Variants in PAK3 observed in about 807,000 individuals in gnomAD.
PAK3 encodes the protein p21 (RAC1) activated kinase 3, also known as serine/threonine-protein kinase PAK 3.
PAK3 carries 4 observed loss-of-function variants against 41.0 expected under a neutral mutation model. The ratio of observed to expected loss-of-function variants is 0.10; its 90% CI spans 0.05 to 0.22. The LOEUF (loss-of-function observed/expected upper bound fraction) is 0.22, where lower values mean the gene tolerates loss of function less well. Ranked by LOEUF, PAK3 falls within the 10% of genes least tolerant of loss-of-function variation. The pLI is 1.00. For missense variants in PAK3, 205 were observed against 409.9 expected (o/e 0.50, Z 4.32); for synonymous variants, 146 against 139.6 (o/e 1.05, Z -0.32).
At chrX:110,945,654 G>T (rs1278437536) in intron 1 of PAK3, among the ~76,000 whole-genome samples, 2 of 111,888 alleles carry the variant, frequency 1.8e-5, no homozygotes, top group Non-Finnish European at 3.8e-5. Context: ...TGGTGTGCTA[G>T]GATGTAGTTC....
chrX:111,054,545 T>C (rs2092587564), intron 1 of PAK3, among the ~76,000 whole-genome samples: 1 of 111,703 alleles, frequency 9.0e-6, no homozygotes, highest in Non-Finnish European at 1.9e-5. Flanking sequence ...CAAAAATGTT[T>C]TCATTAATTA....
Position 111,109,117 on chromosome X carries a change from C to T in PAK3, c.-28+5811C>T, listed in dbSNP as rs760373581. ...GCTAAGATCAAGTGAAGAGAAATTA[C>T]TTATCCCCCTTAAGCCTCAGTGTCC... On this transcript the variant is annotated intron_variant, in intron 4 of 17. Transcript: ENST00000372007. Among the ~76,000 whole-genome samples the T allele has an allele frequency of 7.2e-5, 8 of 111,665 alleles. No homozygotes were observed. In the South Asian group the frequency reaches 2.7e-3, roughly 38 times the overall value.
chrX:110,975,543 T>C (rs1350620281), intron 1 of PAK3, among the ~76,000 whole-genome samples: 1 of 111,903 alleles, frequency 8.9e-6, no homozygotes, highest in African/African-American at 3.3e-5. Flanking sequence ...CCCAAAGTAA[T>C]TTATAGATTC....
At chrX:111,140,468 C>CTGAACAAGTAAAAAATGGTAGT (rs1191895618) in intron 5 of PAK3, among the ~76,000 whole-genome samples, 1 of 111,268 alleles carries the variant, frequency 9.0e-6, no homozygotes, top group African/African-American at 3.3e-5. Context: ...GAGTGCCTTT[C>CTGAACAAGTAAAAAATGGTAGT]TGAACAAGTA....
chrX:111,145,963 T>C (rs189073978), intron 6 of PAK3, among the ~76,000 whole-genome samples: 35 of 112,155 alleles, frequency 3.1e-4, no homozygotes, highest in African/African-American at 1.1e-3. Context: ...TGACTTTAGC[T>C]ACAAAGTGCA....
intron 16 of PAK3, among the ~76,000 whole-genome samples, chrX:111,204,425 T>C (rs946107592): frequency 1.8e-5 from 2 of 111,601 alleles, no homozygotes; most frequent in Non-Finnish European, 3.8e-5. Context: ...AACTAAGTAG[T>C]TAAGTCCCTC....
At chrX:111,100,535 TCTC>T (rs766030129) in intron 3 of PAK3, among the ~76,000 whole-genome samples, 8 of 111,113 alleles carry the variant, frequency 7.2e-5, no homozygotes, top group Non-Finnish European at 1.3e-4. Context: ...TGCAAGTCCT[TCTC>T]CTTGCATATA....
intron 1 of PAK3, among the ~76,000 whole-genome samples, chrX:111,047,001 GT>G (rs761537846): frequency 2.7e-5 from 3 of 111,934 alleles, no homozygotes; most frequent in Non-Finnish European, 5.6e-5. Context: ...TGGGAGCTCA[GT>G]ACTCCCAGTG....
At chrX:111,093,439 C>T, upstream of PAK3, among the ~76,000 whole-genome samples, 1 of 111,598 alleles carries the variant, frequency 9.0e-6, no homozygotes, top group Non-Finnish European at 1.9e-5. Flanking sequence ...AGCAAGAGAA[C>T]AGTGAGTTGG....
intron 1 of PAK3, among the ~76,000 whole-genome samples, chrX:110,989,315 A>C (rs1026021922): frequency 3.6e-5 from 4 of 112,294 alleles, no homozygotes; most frequent in African/African-American, 1.3e-4. Context: ...CTTATCATAC[A>C]ACTTAACATA....
chrX:111,125,221 ACAG>A (rs1404797216), intron 5 of PAK3, among the ~76,000 whole-genome samples: 1 of 111,878 alleles, frequency 8.9e-6, no homozygotes, highest in Admixed American at 9.5e-5. Flanking sequence ...AGATAGTTTA[ACAG>A]AGCCTGTCAT....
intron 10 of PAK3, 74 bp downstream of exon 10, chrX:111,163,801 C>A: frequency 2.3e-6 from 2 of 875,035 alleles, no homozygotes; most frequent in Non-Finnish European, 3.4e-6. Context: ...GGAATTGATC[C>A]TTTGGAAGTT....
chrX:111,136,626 C>A (rs2149067054), intron 5 of PAK3, among the ~76,000 whole-genome samples: 1 of 111,675 alleles, frequency 9.0e-6, no homozygotes, highest in South Asian at 3.8e-4. Context: ...TTGTTGAGAT[C>A]AAAGAACAAG....
chrX:111,210,487 T>C (rs778706464), intron 16 of PAK3, among the ~76,000 whole-genome samples: 9 of 111,635 alleles, frequency 8.1e-5, no homozygotes, highest in Non-Finnish European at 5.6e-5. Flanking sequence ...ATGCCAGGCC[T>C]GTTCAGCTCA....
At chrX:111,212,994 T>A (rs2094837905) in intron 16 of PAK3, among the ~76,000 whole-genome samples, 1 of 112,372 alleles carries the variant, frequency 8.9e-6, no homozygotes, top group African/African-American at 3.2e-5. Flanking sequence ...CATGATGAAC[T>A]ATTATGCAGC....
At chrX:110,989,632 G>A (rs994610969) in intron 1 of PAK3, among the ~76,000 whole-genome samples, 1 of 111,977 alleles carries the variant, frequency 8.9e-6, no homozygotes. Flanking sequence ...GAACACTGGC[G>A]CTGTGAGAAG....
intron 5 of PAK3, among the ~76,000 whole-genome samples, chrX:111,125,438 GTTA>G (rs1244458803): frequency 1.8e-5 from 2 of 111,491 alleles, no homozygotes; most frequent in Non-Finnish European, 3.8e-5. Context: ...GTCTCCAGAG[GTTA>G]TTATCATAAG....
intron 1 of PAK3, among the ~76,000 whole-genome samples, chrX:111,084,845 G>A (rs2092866729): frequency 8.9e-6 from 1 of 111,802 alleles, no homozygotes; most frequent in South Asian, 3.7e-4. Flanking sequence ...TTTCATTTTA[G>A]TGCCTTCCTT....
intron 1 of PAK3, 93 bp from the exon 2 acceptor site, chrX:111,097,297 G>A (rs1422784161): frequency 2.8e-5 from 3 of 106,759 alleles, no homozygotes; most frequent in Non-Finnish European, 5.8e-5. Flanking sequence ...GGGGTGGGGT[G>A]GGGTGGGGGA....
Sources: allele counts gnomAD v4.1 joint callset (sites outside exome capture counted in the v4.1 genomes callset), GRCh38; gene constraint gnomAD v4.1.1; transcripts MANE v1.5; gene names NCBI Gene and HGNC (gene_info 2026-07-23, HGNC 2026-07-21).